Variants in KRT25 observed in about 807,000 individuals in gnomAD.
The protein encoded by KRT25 is keratin, type I cytoskeletal 25.
In KRT25, 37 loss-of-function variants were observed where a neutral mutation model predicts 47.6. The ratio of observed to expected loss-of-function variants is 0.78; its 90% CI spans 0.60 to 1.02. The LOEUF is 1.02. Ranked by LOEUF, KRT25 falls within the 50% of genes least tolerant of loss-of-function variation. The pLI is 0.00. For synonymous variants in KRT25, 203 were observed against 210.2 expected, an observed-to-expected ratio of 0.97 and a Z score of 0.30; for missense variants, 542 against 550.3, an observed-to-expected ratio of 0.98 and a Z score of 0.15.
Position 40,754,434 on chromosome 17 carries a change from A to G in KRT25, c.464T>C (p.Val155Ala), listed in dbSNP as rs373424713. Residue 155 changes from valine (V) to alanine (A), a missense_variant, in exon 2 of 8, where the codon GTT becomes GCT. By Grantham distance (64) the Val-to-Ala change is moderately conservative. Coordinates refer to ENST00000312150, the MANE Select transcript of KRT25 (RefSeq NM_181534.4). ...AAGCCTGGCATTATCGATCTGCAGA[A>G]CAGCATTAGCATTGCTGGTGGTGGA... Reference protein sequence around the residue: ...IASTTSNANAVLQIDNARLTA... With the variant: ...IASTTSNANAALQIDNARLTA... The G allele has an allele frequency of 3.0e-5, 49 of 1,614,086 alleles. No individual in the cohort carries two copies. In the Middle Eastern group the frequency reaches 9.9e-4, roughly 33 times the overall value.
chr17:40,751,345 T>C lies in KRT25; in HGVS notation c.670-19A>G. 6.3e-7 allele frequency: 1 copy of C among 1,590,026 alleles called. No homozygotes were observed. Among genetic ancestry groups the C allele is most frequent in the Non-Finnish European group, 8.5e-7 (1 of 1,169,646 alleles). On this transcript the variant is annotated intron_variant, in intron 3 of 7. Coordinates refer to ENST00000312150, the MANE Select transcript of KRT25 (RefSeq NM_181534.4). ...GCATTTCCTAGAGGCAGAAAAGTGT[T>C]CTGCTCAGCTCTGCAGGAATCTCAT...
At position 40,754,012 on chromosome 17, in the gene KRT25, C is replaced by A. The variant is rs146293609; in HGVS notation, c.517G>T (p.Glu173Ter). The A allele has an allele frequency of 5.0e-6, 8 of 1,613,844 alleles. No homozygotes were observed. The Admixed American group carries it at 1.3e-4, about 27-fold the overall frequency. The change falls in exon 3 of 8, where the codon GAA (glutamate) becomes TAA (stop). Residue 173 changes from glutamate to a stop codon, truncating the protein, a stop_gained. Transcript: ENST00000312150. LOFTEE classifies it high-confidence loss of function. The stretch of plus-strand genomic sequence containing the variant: ...CTCTGGTGAAGAGCCAGCTCATTTT[C>A]ATACCTTAAAGAGTGTTAATGATTT... ...LTADDFRLKY[E>*]NELALHQSVE... is the part of the protein sequence containing the mutation.
In KRT25 at chr17:40,753,683, C is replaced by CAA. The variant is rs60610884; in HGVS notation, c.669+175_669+176dup. Among the ~76,000 whole-genome samples the CAA allele has an allele frequency of 3.2e-3, 96 of 30,462 alleles. 32 individuals carry two copies. Among genetic ancestry groups the CAA allele is most frequent in the Non-Finnish European group, 3.7e-3 (55 of 14,888 alleles). The allele number at this position is 30,462 out of a possible 152,430, so 20.0% of individuals were successfully genotyped here. ...TGGACGGCAGAGCGAGACTCCGTCT[C>CAA]AAAAAAAAAAAAAAAAAAAAAAAAA... On this transcript the variant is annotated intron_variant, in intron 3 of 7. Coordinates refer to ENST00000312150, the MANE Select transcript of KRT25 (RefSeq NM_181534.4).
intron 6 of KRT25, 58 bp from the exon 7 acceptor site, chr17:40,749,383 A>G: frequency 1.6e-6 from 2 of 1,242,042 alleles, no homozygotes; most frequent in Non-Finnish European, 2.4e-6. Context: ...TTCTAGGATC[A>G]CCATATGGTT....
At chr17:40,749,357 G>C (rs2038025606) in intron 6 of KRT25, 32 bp from the exon 7 acceptor site, 1 of 1,488,384 alleles carries the variant, frequency 6.7e-7, no homozygotes, top group Non-Finnish European at 9.4e-7. Context: ...GGGTGATTTA[G>C]AGAGAACCCC....
At chr17:40,749,369 T>A (rs2144122335) in intron 6 of KRT25, 44 bp from the exon 7 acceptor site, 1 of 1,364,272 alleles carries the variant, frequency 7.3e-7, no homozygotes, top group East Asian at 2.3e-5. Context: ...GAGAACCCCA[T>A]CAATTCTAGG....
At chr17:40,749,215 A>C in intron 7 of KRT25, 43 bp downstream of exon 7, 1 of 1,472,914 alleles carries the variant, frequency 6.8e-7, no homozygotes, top group Non-Finnish European at 9.5e-7. Context: ...AAAAGTTAAA[A>C]AATAAAAAAT....
chr17:40,755,272 G>C lies in KRT25; in HGVS notation c.-1C>G. The C allele has an allele frequency of 6.2e-7, 1 of 1,612,122 alleles. No individual in the cohort carries two copies. The highest frequency in any genetic ancestry group is 8.5e-7 in the Non-Finnish European group (1 of 1,179,120). ...ATGCACTGGAAAGTCGAAGAGACAT[G>C]GTATCAGGGCAAACGCGTTGCAGAG... On this transcript the variant is annotated 5_prime_UTR_variant, in exon 1 of 8. Coordinates refer to ENST00000312150, the MANE Select transcript of KRT25 (RefSeq NM_181534.4).
At chr17:40,754,067 T>G in intron 2 of KRT25, 51 bp from the exon 3 acceptor site, 2 of 1,534,900 alleles carry the variant, frequency 1.3e-6, no homozygotes, top group Non-Finnish European at 1.8e-6. Flanking sequence ...GGAGACATAG[T>G]CACTAGTCAC....
intron 3 of KRT25, among the ~76,000 whole-genome samples, chr17:40,751,578 G>A (rs992745258): frequency 6.6e-6 from 1 of 152,276 alleles, no homozygotes; most frequent in African/African-American, 2.4e-5. Context: ...ATTATAGTGA[G>A]CCAAACTCCT....
intron 1 of KRT25, 50 bp downstream of exon 1, chr17:40,754,793 A>C: frequency 6.9e-7 from 1 of 1,453,888 alleles, no homozygotes. Flanking sequence ...AGGAAAACAA[A>C]ATTTAGAAAT....
chr17:40,752,938 A>G (rs566637201), intron 3 of KRT25, among the ~76,000 whole-genome samples: 1 of 152,364 alleles, frequency 6.6e-6, no homozygotes, highest in African/African-American at 2.4e-5. Context: ...TCTGAAAGCA[A>G]TCCTAAAGAT....
At chr17:40,751,654 A>G (rs948551064) in intron 3 of KRT25, among the ~76,000 whole-genome samples, 4 of 152,046 alleles carry the variant, frequency 2.6e-5, no homozygotes, top group Non-Finnish European at 4.4e-5. Context: ...TTCCTTTTCC[A>G]TATGAAAGTT....
Position 40,748,136 on chromosome 17 carries a change from G to C in KRT25, c.*141C>G. 1 of 546,142 alleles carries C rather than the reference G, an allele frequency of 1.8e-6. No homozygotes were observed. The highest frequency in any genetic ancestry group is 3.2e-6 in the Non-Finnish European group (1 of 311,804). 33.8% of individuals were successfully genotyped at this position (546,142 alleles called of 1,614,324 possible). Reference sequence around the variant, plus strand: ...TCTTCTAGATGAATGGGGAGATGCTGTCATTGATTGCCCAGAAAGAAAGTA... The same window carrying C: ...TCTTCTAGATGAATGGGGAGATGCTCTCATTGATTGCCCAGAAAGAAAGTA... On this transcript the variant is annotated 3_prime_UTR_variant, in exon 8 of 8. Transcript: ENST00000312150.
intron 3 of KRT25, among the ~76,000 whole-genome samples, chr17:40,751,883 C>CGCGT (rs1555544044): frequency 6.7e-6 from 1 of 148,920 alleles, no homozygotes; most frequent in Non-Finnish European, 1.5e-5. Context: ...TGTGTGCGTG[C>CGCGT]GTGTGTGTGT....
chr17:40,754,712 CCTT>C (rs2144130476), intron 1 of KRT25, 128 bp downstream of exon 1: 1 of 848,210 alleles, frequency 1.2e-6, no homozygotes, highest in Non-Finnish European at 1.6e-6. Flanking sequence ...GAGCAAAACT[CCTT>C]CTCAAAAAAA....
chr17:40,749,247 A>T lies in KRT25; in HGVS notation c.1243+11T>A. 1 of 1,602,274 alleles carries T rather than the reference A, an allele frequency of 6.2e-7. No homozygotes were observed. Among genetic ancestry groups the T allele is most frequent in the Non-Finnish European group, 8.6e-7 (1 of 1,169,384 alleles). ...AAATTAGCATTGCACAACAGATTTC[A>T]TTTTAATTACCTTTGACTTGACTTC... is the stretch of plus-strand genomic sequence containing the variant. On this transcript the variant is annotated intron_variant, in intron 7 of 7. Transcript: ENST00000312150.
At chr17:40,750,330 G>T in intron 6 of KRT25, 50 bp downstream of exon 6, 2 of 1,577,202 alleles carry the variant, frequency 1.3e-6, no homozygotes, top group Non-Finnish European at 1.7e-6. Context: ...GATCTAAGTT[G>T]CAAGCAGATT....
rs1417278580 is a variant in KRT25, at chr17:40,748,040, T to C, written c.*237A>G. 1 of 343,454 alleles carries C rather than the reference T, an allele frequency of 2.9e-6. No homozygotes were observed. Among genetic ancestry groups the C allele is most frequent in the African/African-American group, 2.1e-5 (1 of 46,788 alleles). The allele number at this position is 343,454 out of a possible 1,614,324, so 21.3% of individuals were successfully genotyped here. On this transcript the variant is annotated 3_prime_UTR_variant, in exon 8 of 8. Coordinates refer to ENST00000312150, the MANE Select transcript of KRT25 (RefSeq NM_181534.4). The stretch of plus-strand genomic sequence containing the variant: ...CAATGATAACTTGCTAAAGAAGAGG[T>C]TTATTGAATACAAAGAATTGACAAC...
Sources: allele counts gnomAD v4.1 joint callset (sites outside exome capture counted in the v4.1 genomes callset), GRCh38; gene constraint gnomAD v4.1.1; transcripts MANE v1.5; gene names NCBI Gene and HGNC (gene_info 2026-07-23, HGNC 2026-07-21).